The following ADAMTS9 variants were observed in gnomAD, a reference collection of about 807,000 sequenced individuals.
ADAMTS9 encodes ADAM metallopeptidase with thrombospondin type 1 motif 9, also known as A disintegrin and metalloproteinase with thrombospondin motifs 9.
ADAMTS9 carries 107 observed loss-of-function variants against 257.1 expected under a neutral mutation model. The observed-to-expected ratio is 0.42, with a 90% CI of 0.36 to 0.49. ADAMTS9 has a LOEUF of 0.49. Among genes scored for constraint, ADAMTS9 ranks in the 20% least tolerant of loss-of-function variants. The pLI, the probability that ADAMTS9 is intolerant of heterozygous loss-of-function variation, is 0.03. For missense variants in ADAMTS9, 2,353 were observed against 2,469.1 expected (o/e 0.95, Z 1.00); for synonymous variants, 982 against 880.9 (o/e 1.11, Z -2.03).
At chr3:64,577,795 T>C (rs550429018) in intron 28 of ADAMTS9, among the ~76,000 whole-genome samples, 1 of 152,328 alleles carries the variant, frequency 6.6e-6, no homozygotes, top group East Asian at 1.9e-4. Flanking sequence ...AAGTGATCCA[T>C]GTACCTAACC....
chr3:64,554,242 T>C (rs898140195), intron 30 of ADAMTS9, among the ~76,000 whole-genome samples: 2 of 152,224 alleles, frequency 1.3e-5, no homozygotes, highest in African/African-American at 2.4e-5. Flanking sequence ...GGTTAACTAC[T>C]GTAAAGACTA....
intron 3 of ADAMTS9, among the ~76,000 whole-genome samples, chr3:64,672,046 T>C (rs1701503830): frequency 6.6e-6 from 1 of 152,178 alleles, no homozygotes; most frequent in Non-Finnish European, 1.5e-5. Context: ...AAAGACAGCC[T>C]ACTCAAGTGA....
chr3:64,560,663 A>G (rs2083404752), intron 30 of ADAMTS9, among the ~76,000 whole-genome samples: 2 of 152,156 alleles, frequency 1.3e-5, no homozygotes, highest in African/African-American at 2.4e-5. Flanking sequence ...GGTTAAAAAG[A>G]TTAAGGGAAG....
chr3:64,554,021 T>C (rs951085810), intron 30 of ADAMTS9, among the ~76,000 whole-genome samples: 142 of 152,340 alleles, frequency 9.3e-4, no homozygotes, highest in African/African-American at 3.4e-3. Flanking sequence ...ATAGAAAAAG[T>C]AATTCCTTAG....
chr3:64,637,789 A>G (rs1700536256), intron 12 of ADAMTS9, among the ~76,000 whole-genome samples: 1 of 152,232 alleles, frequency 6.6e-6, no homozygotes, highest in African/African-American at 2.4e-5. Flanking sequence ...AGGCTATTCA[A>G]AGATTAGATG....
intron 25 of ADAMTS9, among the ~76,000 whole-genome samples, chr3:64,603,153 C>T (rs1414813190): frequency 2.0e-5 from 3 of 152,174 alleles, no homozygotes; most frequent in Admixed American, 6.5e-5. Flanking sequence ...TTTCCGTCTT[C>T]TTTAAGAGCA....
intron 28 of ADAMTS9, chr3:64,588,152 T>C (rs1173553727): frequency 2.0e-5 from 3 of 152,180 alleles, no homozygotes; most frequent in Non-Finnish European, 4.4e-5. Context: ...AATTGCTAAT[T>C]TATACTTACT....
intron 30 of ADAMTS9, 111 bp from the exon 31 acceptor site, chr3:64,551,173 G>A: frequency 8.1e-7 from 1 of 1,241,626 alleles, no homozygotes; most frequent in Non-Finnish European, 1.1e-6. Flanking sequence ...AGCCCTGAGG[G>A]CAGGGATTGC....
At chr3:64,613,269 G>A in intron 22 of ADAMTS9, 76 bp downstream of exon 22, 1 of 1,547,300 alleles carries the variant, frequency 6.5e-7, no homozygotes, top group Non-Finnish European at 8.8e-7. Context: ...CTCCACCACT[G>A]GAATGCTCCT....
intron 32 of ADAMTS9, among the ~76,000 whole-genome samples, chr3:64,545,575 A>G (rs551304145): frequency 1.2e-4 from 18 of 152,126 alleles, no homozygotes; most frequent in African/African-American, 4.3e-4. Context: ...ACTTGGACAC[A>G]GGGTGGGGAA....
At chr3:64,560,859 G>A (rs891154669) in intron 30 of ADAMTS9, among the ~76,000 whole-genome samples, 2 of 151,940 alleles carry the variant, frequency 1.3e-5, no homozygotes, top group African/African-American at 4.8e-5. Context: ...ATATTGTTTT[G>A]CTTTCTAATT....
chr3:64,579,456 T>C (rs1373439415), intron 28 of ADAMTS9, among the ~76,000 whole-genome samples: 1 of 152,224 alleles, frequency 6.6e-6, no homozygotes, highest in East Asian at 1.9e-4. Flanking sequence ...TTTATTTTTA[T>C]CTATGGCAAC....
At chr3:64,604,185 C>A in intron 24 of ADAMTS9, 42 bp downstream of exon 24, 2 of 1,599,346 alleles carry the variant, frequency 1.3e-6, no homozygotes, top group South Asian at 1.1e-5. Context: ...AGAATGTTAG[C>A]CCCCATCCTG....
chr3:64,586,041 G>T (rs1303347053), intron 28 of ADAMTS9, among the ~76,000 whole-genome samples: 1 of 152,054 alleles, frequency 6.6e-6, no homozygotes, highest in Non-Finnish European at 1.5e-5. Flanking sequence ...GAGATGAGGG[G>T]ATTATATCTT....
At chr3:64,638,869 G>GA (rs1328778809) in intron 12 of ADAMTS9, among the ~76,000 whole-genome samples, 6 of 150,718 alleles carry the variant, frequency 4.0e-5, no homozygotes, top group Non-Finnish European at 7.4e-5. Context: ...TAAATATTGT[G>GA]AAAAAAGAAA....
intron 22 of ADAMTS9, among the ~76,000 whole-genome samples, chr3:64,610,307 TA>T (rs2084640366): frequency 6.6e-6 from 1 of 151,998 alleles, no homozygotes; most frequent in Non-Finnish European, 1.5e-5. Flanking sequence ...ATCAACAAAG[TA>T]AAAAGGCAAC....
At chr3:64,664,743 A>G (rs200773952) in intron 3 of ADAMTS9, among the ~76,000 whole-genome samples, 1 of 152,300 alleles carries the variant, frequency 6.6e-6, no homozygotes, top group East Asian at 1.9e-4. Flanking sequence ...ATTCATGTGC[A>G]AGGTTTTGGG....
In ADAMTS9 at chr3:64,686,359, C is replaced by T. The variant is rs1701906791; in HGVS notation, c.516+209G>A. On this transcript the variant is annotated intron_variant, in intron 2 of 39. Coordinates refer to ENST00000498707, the MANE Select transcript of ADAMTS9 (RefSeq NM_182920.2). This position sits in a 1 kb window ranked among gnomAD's most constrained non-coding sequence, Gnocchi z 4.6. ...AGAAAGCTCTGAAACATCCAGAAGC[C>T]CCTGGGGGCGGGTGTGTGCGCTCCA... Among the ~76,000 whole-genome samples the T allele has an allele frequency of 6.6e-6, 1 of 152,218 alleles. No homozygotes were observed. The highest frequency in any genetic ancestry group is 2.4e-5 in the African/African-American group (1 of 41,458).
rs759917377 is a variant in ADAMTS9, at chr3:64,615,444, A to G, written c.3066T>C (p.Ala1022=). ...SCDGGTQRRR[A]ICVNTRNDVL... ...CATCATTTCGGGTATTGACACAAAT[A>G]GCCCTTCTCCTCTGGGTCCCACCGT... Residue 1022 remains alanine, a synonymous_variant, in exon 21 of 40, where the codon GCT becomes GCC. Coordinates refer to ENST00000498707, the MANE Select transcript of ADAMTS9 (RefSeq NM_182920.2). 1.2e-6 allele frequency: 2 copies of G among 1,614,028 alleles called. No homozygotes were observed. The highest frequency in any genetic ancestry group is 1.7e-6 in the Non-Finnish European group (2 of 1,179,900).
Sources: allele counts gnomAD v4.1 joint callset (sites outside exome capture counted in the v4.1 genomes callset), GRCh38; gene constraint gnomAD v4.1.1; non-coding constraint Gnocchi (gnomAD v3.1); transcripts MANE v1.5; gene names NCBI Gene and HGNC (gene_info 2026-07-23, HGNC 2026-07-21).